The following ADCY7 variants were observed in gnomAD, a reference collection of about 807,000 sequenced individuals.
The protein encoded by ADCY7 is adenylate cyclase 7.
ADCY7 carries 72 observed loss-of-function variants against 120.6 expected under a neutral mutation model. That is an observed-to-expected ratio of 0.60 (90% confidence interval 0.49 to 0.73). ADCY7 has a LOEUF of 0.73. Among genes scored for constraint, ADCY7 ranks in the 30% least tolerant of loss-of-function variants. ADCY7 has a pLI of 0.00. For missense variants in ADCY7, 1,227 were observed against 1,486.0 expected, an observed-to-expected ratio of 0.83 and a Z score of 2.87; for synonymous variants, 661 against 628.0, an observed-to-expected ratio of 1.05 and a Z score of -0.78.
chr16:50,268,202 C>T (rs538688345), intron 1 of ADCY7, among the ~76,000 whole-genome samples: 16 of 152,084 alleles, frequency 1.1e-4, no homozygotes, highest in African/African-American at 2.4e-4. Context: ...GGGCTTAAGC[C>T]GTCCTCCTCC....
chr16:50,286,123 G>C (rs1364170413), intron 1 of ADCY7, among the ~76,000 whole-genome samples: 2 of 151,856 alleles, frequency 1.3e-5, no homozygotes, highest in East Asian at 3.9e-4. Context: ...GATTTTTGCT[G>C]GGTACAGTGC....
At chr16:50,304,666 GCCACAGCCTCTGCC>G (rs1322037055) in intron 11 of ADCY7, 115 bp downstream of exon 11, 5 of 1,172,508 alleles carry the variant, frequency 4.3e-6, no homozygotes, top group Non-Finnish European at 6.0e-6. Flanking sequence ...CTGTAAAATG[GCCACAGCCTCTGCC>G]CCACCTCCTG....
chr16:50,294,618 T>G, intron 6 of ADCY7, 22 bp from the exon 7 acceptor site: 150 of 809,196 alleles, frequency 1.9e-4, no homozygotes, highest in Middle Eastern at 5.2e-4. Flanking sequence ...TGACACTCCC[T>G]CCCACCCTGC....
At chr16:50,299,787 C>T (rs573976993) in intron 8 of ADCY7, among the ~76,000 whole-genome samples, 10 of 152,330 alleles carry the variant, frequency 6.6e-5, no homozygotes, top group African/African-American at 2.4e-4. Flanking sequence ...CCCTCGTGCA[C>T]CTCTGGTTCC....
At position 50,305,856 on chromosome 16, in the gene ADCY7, G is replaced by A. The variant is rs138328251; in HGVS notation, c.1752+7G>A. 10 of 1,613,440 alleles carry A rather than the reference G, an allele frequency of 6.2e-6. No homozygotes were observed. The highest frequency in any genetic ancestry group is 1.3e-5 in the African/African-American group (1 of 75,068). ...GAAGGGCTTTGAGCGCGAGGTGAGG[G>A]CCCCCAGCAGCCTCCTCCGCAGAGG... On this transcript the variant is annotated splice_region_variant and intron_variant, in intron 14 of 25. Coordinates refer to ENST00000673801, the MANE Select transcript of ADCY7 (RefSeq NM_001114.5).
intron 1 of ADCY7, among the ~76,000 whole-genome samples, chr16:50,257,437 A>G (rs1377536743): frequency 1.3e-5 from 2 of 152,172 alleles, no homozygotes; most frequent in Non-Finnish European, 2.9e-5. Context: ...GTACATTTCA[A>G]AATTACTAAG....
At chr16:50,308,978 G>A in intron 17 of ADCY7, 186 bp downstream of exon 17, 1 of 665,666 alleles carries the variant, frequency 1.5e-6, no homozygotes, top group Non-Finnish European at 2.3e-6. Context: ...TGCGGACTTT[G>A]GGGGCCCAGA....
At chr16:50,308,538 C>A in intron 16 of ADCY7, 127 bp downstream of exon 16, 1 of 1,555,224 alleles carries the variant, frequency 6.4e-7, no homozygotes. Flanking sequence ...CCCATCTCTC[C>A]TGCCTCGGGG....
rs142683224 is a variant in ADCY7 at position 50,277,433 on chromosome 16, T to A, written c.-268-10479T>A. 1.4e-3 allele frequency among the ~76,000 whole-genome samples: 217 copies of A among 152,330 alleles called. 1 individual carries two copies. Among genetic ancestry groups the A allele is most frequent in the African/African-American group, 5.1e-3 (210 of 41,570 alleles). On this transcript the variant is annotated intron_variant, in intron 1 of 25. Coordinates refer to ENST00000673801, the MANE Select transcript of ADCY7 (RefSeq NM_001114.5). ...ACTCACATTCCTGCCCAGGAGGGAA[T>A]GTGAGTGACTGTTTCCAACACAGAC...
chr16:50,287,538 A>C (rs913118457), intron 1 of ADCY7, among the ~76,000 whole-genome samples: 1 of 151,818 alleles, frequency 6.6e-6, no homozygotes, highest in African/African-American at 2.4e-5. Context: ...AAGAGAATTT[A>C]AAAATTAGCT....
chr16:50,277,304 G>A (rs908194356), intron 1 of ADCY7, among the ~76,000 whole-genome samples: 1 of 152,158 alleles, frequency 6.6e-6, no homozygotes, highest in African/African-American at 2.4e-5. Flanking sequence ...GACAATGTTT[G>A]TACGATACAT....
chr16:50,315,177 A>T, intron 25 of ADCY7, 39 bp downstream of exon 25: 1 of 1,610,968 alleles, frequency 6.2e-7, no homozygotes, highest in Non-Finnish European at 8.5e-7. Context: ...TAAGGGGAAA[A>T]GATCTTCCCC....
intron 1 of ADCY7, among the ~76,000 whole-genome samples, chr16:50,246,417 A>G (rs1034895314): frequency 1.3e-5 from 2 of 151,428 alleles, no homozygotes; most frequent in Non-Finnish European, 3.0e-5. Flanking sequence ...CCCTCGGGCC[A>G]CGACCTCCTC....
chr16:50,254,153 G>A (rs2051538075), intron 1 of ADCY7, among the ~76,000 whole-genome samples: 1 of 152,166 alleles, frequency 6.6e-6, no homozygotes, highest in African/African-American at 2.4e-5. Flanking sequence ...GCAGATCCCA[G>A]AGTGCTTTCA....
Position 50,307,034 on chromosome 16 carries a change from T to C in ADCY7, c.1753-16T>C. The stretch of plus-strand genomic sequence containing the variant: ...CACTGCTGGTGGCCACCCCTCACAG[T>C]CCCTGCTGCCCCCAGTACCGCCTGG... On this transcript the variant is annotated splice_polypyrimidine_tract_variant and intron_variant, in intron 14 of 25. Coordinates refer to ENST00000673801, the MANE Select transcript of ADCY7 (RefSeq NM_001114.5). 1 of 1,601,100 alleles carries C rather than the reference T, an allele frequency of 6.2e-7. No homozygotes were observed. The highest frequency in any genetic ancestry group is 8.5e-7 in the Non-Finnish European group (1 of 1,177,082).
At position 50,305,094 on chromosome 16, in the gene ADCY7, G is replaced by A; in HGVS notation, c.1595+135G>A. On this transcript the variant is annotated intron_variant, in intron 12 of 25. Transcript: ENST00000673801. The stretch of plus-strand genomic sequence containing the variant: ...CTCTGTGAAGTTGGCCAGGGCTTGG[G>A]TCAAAGCATTTCTAGGAACCAGAGT... 4.4e-6 allele frequency: 5 copies of A among 1,145,458 alleles called. No individual in the cohort carries two copies. In the South Asian group the frequency reaches 5.1e-5, roughly 12 times the overall value. The allele number at this position is 1,145,458 out of a possible 1,614,324, so 71.0% of individuals were successfully genotyped here.
At chr16:50,250,384 G>T (rs1327184767) in intron 1 of ADCY7, among the ~76,000 whole-genome samples, 1 of 151,074 alleles carries the variant, frequency 6.6e-6, no homozygotes, top group Non-Finnish European at 1.5e-5. Context: ...TTGAACCCGG[G>T]AGGCGGAGGT....
At chr16:50,310,575 G>T in intron 18 of ADCY7, 112 bp from the exon 19 acceptor site, 4 of 1,573,406 alleles carry the variant, frequency 2.5e-6, no homozygotes, top group Non-Finnish European at 3.4e-6. Flanking sequence ...AGGTGGTAAG[G>T]CAAGAGCGTG....
chr16:50,285,320 C>T lies in ADCY7; in HGVS notation c.-268-2592C>T, dbSNP rs142703886. On this transcript the variant is annotated intron_variant, in intron 1 of 25. Transcript: ENST00000673801. ...GGGATGGGGCCCCCAGCAAATGACC[C>T]CTTCCTCCTTCCCCAAATATGTGGT... is the stretch of plus-strand genomic sequence containing the variant. Among the ~76,000 whole-genome samples the T allele has an allele frequency of 4.5e-4, 68 of 152,142 alleles. No individual in the cohort carries two copies. The East Asian group carries it at 0.013, about 28-fold the overall frequency.
Sources: allele counts gnomAD v4.1 joint callset (sites outside exome capture counted in the v4.1 genomes callset), GRCh38; gene constraint gnomAD v4.1.1; transcripts MANE v1.5; gene names NCBI Gene and HGNC (gene_info 2026-07-23, HGNC 2026-07-21).